Variants in CADPS2 observed in about 807,000 individuals in gnomAD.
CADPS2 encodes the protein calcium dependent secretion activator 2.
In CADPS2, 93 loss-of-function variants were observed where a neutral mutation model predicts 172.5. That is an observed-to-expected ratio of 0.54 (90% CI 0.46 to 0.64). The LOEUF is 0.64. Among genes scored for constraint, CADPS2 ranks in the 30% least tolerant of loss-of-function variants. The probability of loss-of-function intolerance (pLI) is 0.00; values close to 1 mark genes in which losing one functional copy is unlikely to be tolerated. For synonymous variants in CADPS2, 546 were observed against 555.2 expected (o/e 0.98, Z 0.23); for missense variants, 1,420 against 1,565.9 (o/e 0.91, Z 1.57).
chr7:122,803,366 A>C (rs942729576), intron 1 of CADPS2, among the ~76,000 whole-genome samples: 4 of 152,232 alleles, frequency 2.6e-5, no homozygotes, highest in Admixed American at 2.0e-4. Context: ...GAACAAGAAC[A>C]AAACCTCCCT....
At chr7:122,441,652 C>T in intron 15 of CADPS2, 77 bp from the exon 16 acceptor site, 1 of 876,980 alleles carries the variant, frequency 1.1e-6, no homozygotes, top group Non-Finnish European at 1.7e-6. Flanking sequence ...GCTTGTATTA[C>T]TTGGCATTAA....
At chr7:122,501,116 A>C (rs1215526617) in intron 9 of CADPS2, among the ~76,000 whole-genome samples, 2 of 152,080 alleles carry the variant, frequency 1.3e-5, no homozygotes, top group Non-Finnish European at 2.9e-5. Flanking sequence ...TCAGCTAGGC[A>C]TGATGGCATA....
intron 19 of CADPS2, among the ~76,000 whole-genome samples, chr7:122,412,282 C>A (rs144563955): frequency 6.6e-6 from 1 of 151,930 alleles, no homozygotes; most frequent in Admixed American, 6.6e-5. Flanking sequence ...TCTAGTTGGT[C>A]GACAGGAAAT....
At chr7:122,722,853 T>C (rs545808368) in intron 2 of CADPS2, among the ~76,000 whole-genome samples, 16 of 151,648 alleles carry the variant, frequency 1.1e-4, no homozygotes, top group East Asian at 3.9e-4. Context: ...TGGAACAGAA[T>C]AGAGCCCTCA....
intron 1 of CADPS2, among the ~76,000 whole-genome samples, chr7:122,785,112 C>T (rs1793713055): frequency 6.6e-6 from 1 of 152,124 alleles, no homozygotes; most frequent in South Asian, 2.1e-4. Context: ...TACCCTTTTT[C>T]CCTTGTGTTA....
chr7:122,882,076 G>T (rs1823064902), intron 1 of CADPS2, among the ~76,000 whole-genome samples: 2 of 152,088 alleles, frequency 1.3e-5, no homozygotes, highest in Admixed American at 1.3e-4. Context: ...CTTTATAGTA[G>T]TTACAACATT....
intron 1 of CADPS2, among the ~76,000 whole-genome samples, chr7:122,807,687 G>A (rs888705175): frequency 1.3e-5 from 2 of 152,144 alleles, no homozygotes; most frequent in Non-Finnish European, 2.9e-5. Context: ...TTCTTCTGAG[G>A]CCTCCTCCAC....
intron 1 of CADPS2, among the ~76,000 whole-genome samples, chr7:122,797,490 A>G (rs907413910): frequency 2.6e-5 from 4 of 152,228 alleles, no homozygotes; most frequent in South Asian, 4.1e-4. Context: ...AATGTGGTAC[A>G]TATACCCCAT....
rs186790933 is a variant in CADPS2 at position 122,489,576 on chromosome 7, T to C, written c.1852+505A>G. ...GTAGCATTCAAAAAGTGACATGTCT[T>C]TAAGGTACAAGGGGAAAAAAGTTGG... On this transcript the variant is annotated intron_variant, in intron 11 of 29. Coordinates refer to ENST00000449022, the MANE Select transcript of CADPS2 (RefSeq NM_017954.11). 1.1e-3 allele frequency among the ~76,000 whole-genome samples: 161 copies of C among 152,214 alleles called. 1 individual carries two copies. The highest frequency in any genetic ancestry group is 3.7e-3 in the African/African-American group (154 of 41,556).
At chr7:122,643,712 G>A (rs994893957) in intron 3 of CADPS2, among the ~76,000 whole-genome samples, 2 of 151,968 alleles carry the variant, frequency 1.3e-5, no homozygotes, top group Admixed American at 1.3e-4. Flanking sequence ...AGGAGAGGGA[G>A]AAAAAGGAGG....
At chr7:122,829,641 T>C (rs1375658551) in intron 1 of CADPS2, among the ~76,000 whole-genome samples, 1 of 152,214 alleles carries the variant, frequency 6.6e-6, no homozygotes, top group Non-Finnish European at 1.5e-5. Context: ...CTACTTCACT[T>C]TTAACTTCCA....
intron 1 of CADPS2, among the ~76,000 whole-genome samples, chr7:122,820,149 C>T (rs1427427606): frequency 6.6e-6 from 1 of 152,092 alleles, no homozygotes; most frequent in Non-Finnish European, 1.5e-5. Context: ...CCTCTACAAC[C>T]CATTATTCTG....
At chr7:122,444,997 T>A (rs2051952600) in intron 15 of CADPS2, among the ~76,000 whole-genome samples, 1 of 152,138 alleles carries the variant, frequency 6.6e-6, no homozygotes, top group African/African-American at 2.4e-5. Flanking sequence ...TCCGGTAGCA[T>A]CTGTCGGAAA....
At position 122,766,490 on chromosome 7, in the gene CADPS2, G is replaced by T. The variant is rs371219887; in HGVS notation, c.340-29422C>A. Among the ~76,000 whole-genome samples the T allele has an allele frequency of 7.9e-5, 12 of 152,044 alleles. No homozygotes were observed. The South Asian group carries it at 2.5e-3, about 32-fold the overall frequency. On this transcript the variant is annotated intron_variant, in intron 1 of 29. Coordinates refer to ENST00000449022, the MANE Select transcript of CADPS2 (RefSeq NM_017954.11). ...TTGCCATTTAGTTCACTCCCCACAC[G>T]CAAACCTGTTACCCAGCCCTAAAAA...
chr7:122,611,193 G>A (rs2074247448), intron 6 of CADPS2, among the ~76,000 whole-genome samples: 1 of 151,906 alleles, frequency 6.6e-6, no homozygotes, highest in Non-Finnish European at 1.5e-5. Context: ...AAAATAGAAG[G>A]AAGTAAATAG....
In CADPS2 at chr7:122,320,321, A is replaced by G; in HGVS notation, c.3735T>C (p.Phe1245=). 1 of 1,601,316 alleles carries G rather than the reference A, an allele frequency of 6.2e-7. No individual in the cohort carries two copies. The highest frequency in any genetic ancestry group is 8.5e-7 in the Non-Finnish European group (1 of 1,174,156). The stretch of plus-strand genomic sequence containing the variant: ...TTCCTTCCAACACACCCTGCAATCG[A>G]AAGTCCCTGTAGGTTTTCTGAAGAA... ...IKIVKKTYRD[F]RLQGVLEGTL... The change falls in exon 30 of 30, where the codon TTT becomes TTC. Residue 1245 remains phenylalanine, a synonymous_variant. Transcript: ENST00000449022.
chr7:122,838,394 T>C (rs181090820), intron 1 of CADPS2, among the ~76,000 whole-genome samples: 17 of 152,252 alleles, frequency 1.1e-4, no homozygotes, highest in Non-Finnish European at 1.2e-4. Flanking sequence ...TCTCTCACCA[T>C]TCCTATTCAA....
chr7:122,385,038 G>A (rs1190105830), intron 24 of CADPS2, among the ~76,000 whole-genome samples: 1 of 151,946 alleles, frequency 6.6e-6, no homozygotes, highest in Non-Finnish European at 1.5e-5. Context: ...AACCAGATGA[G>A]AAAAGAATGG....
chr7:122,756,944 C>A (rs1708256952), intron 1 of CADPS2, among the ~76,000 whole-genome samples: 1 of 151,814 alleles, frequency 6.6e-6, no homozygotes, highest in South Asian at 2.1e-4. Context: ...TCCTACAGAA[C>A]CCAATCTCAA....
Sources: allele counts gnomAD v4.1 joint callset (sites outside exome capture counted in the v4.1 genomes callset), GRCh38; gene constraint gnomAD v4.1.1; transcripts MANE v1.5; gene names NCBI Gene and HGNC (gene_info 2026-07-23, HGNC 2026-07-21).